FBXO7: variants seen among roughly 807,000 people sequenced by gnomAD.
FBXO7 encodes the protein F-box only protein 7.
FBXO7 carries 31 observed loss-of-function variants against 50.2 expected under a neutral mutation model. That is an observed-to-expected ratio of 0.62 (90% CI 0.46 to 0.83). The LOEUF is 0.83. FBXO7 is among the 40% of genes least tolerant of loss of function. The pLI, the probability that FBXO7 is intolerant of heterozygous loss-of-function variation, is 0.00. For missense variants in FBXO7, 667 were observed against 646.6 expected, an observed-to-expected ratio of 1.03 and a Z score of -0.34; for synonymous variants, 256 against 253.1, an observed-to-expected ratio of 1.01 and a Z score of -0.11.
intron 2 of FBXO7, 124 bp downstream of exon 2, chr22:32,479,399 T>TTA: frequency 5.7e-6 from 5 of 882,486 alleles, no homozygotes; most frequent in Non-Finnish European, 8.2e-6. Flanking sequence ...ATATATTTTT[T>TTA]TCTTTTTTTT....
In FBXO7 at chr22:32,479,005, A is replaced by T. The variant is rs1163595878; in HGVS notation, c.147A>T (p.Thr49=). The change falls in exon 2 of 9, where the codon ACA becomes ACT. Residue 49 remains threonine, a synonymous_variant. Coordinates refer to ENST00000266087, the MANE Select transcript of FBXO7 (RefSeq NM_012179.4). ...GTTCTAATACCCGATTTACAATTAC[A>T]TTGAACTACAAGGATCCCCTCACTG... ...GYSSNTRFTI[T]LNYKDPLTGD... 10 of 1,614,242 alleles carry T rather than the reference A, an allele frequency of 6.2e-6. No homozygotes were observed. The highest frequency in any genetic ancestry group is 8.5e-6 in the Non-Finnish European group (10 of 1,180,040).
chr22:32,498,380 C>T lies in FBXO7; in HGVS notation c.1419C>T (p.Ser473=), dbSNP rs1395140786. The change falls in exon 9 of 9, where the codon AGC becomes AGT. Residue 473 remains serine, a synonymous_variant. Coordinates refer to ENST00000266087, the MANE Select transcript of FBXO7 (RefSeq NM_012179.4). Reference sequence around the variant, plus strand: ...TTCCTGGTCCTGGGGAGACGCCCAGCCAGTTTCCTCCACTGAGACCACGCT... The same window carrying T: ...TTCCTGGTCCTGGGGAGACGCCCAGTCAGTTTCCTCCACTGAGACCACGCT... ...SLIPGPGETP[S]QFPPLRPRFD... is the part of the protein sequence containing the mutation. 1.2e-6 allele frequency: 2 copies of T among 1,614,190 alleles called. No homozygotes were observed. Among genetic ancestry groups the T allele is most frequent in the Middle Eastern group, 1.6e-4 (1 of 6,062 alleles).
chr22:32,497,064 C>T (rs938868046), intron 8 of FBXO7, among the ~76,000 whole-genome samples: 2 of 152,176 alleles, frequency 1.3e-5, no homozygotes, highest in Non-Finnish European at 2.9e-5. Flanking sequence ...GAAGTGGAGC[C>T]TGAAGATGGG....
At chr22:32,492,875 A>C (rs1246391555) in intron 6 of FBXO7, 7 of 572,476 alleles carry the variant, frequency 1.2e-5, no homozygotes, top group Non-Finnish European at 2.2e-5. Context: ...TTGTCTTTCC[A>C]CTAAAACATA....
intron 1 of FBXO7, chr22:32,475,408 G>A: frequency 6.2e-7 from 1 of 1,611,144 alleles, no homozygotes. Flanking sequence ...GGTGAGTCAT[G>A]GCTTCTGGTT....
At chr22:32,498,062 A>T (rs1241495829) in intron 8 of FBXO7, 82 bp from the exon 9 acceptor site, 24 of 1,456,766 alleles carry the variant, frequency 1.6e-5, no homozygotes, top group Non-Finnish European at 2.2e-5. Flanking sequence ...ATAGATCTTT[A>T]CTATGAAAGC....
At chr22:32,485,403 C>CA (rs1173804635) in intron 4 of FBXO7, among the ~76,000 whole-genome samples, 194 bp downstream of exon 4, 2 of 152,222 alleles carry the variant, frequency 1.3e-5, no homozygotes, top group South Asian at 4.1e-4. Context: ...TTGTTTAGGC[C>CA]AGCACCCTTC....
chr22:32,480,715 G>T (rs533155779), intron 2 of FBXO7, among the ~76,000 whole-genome samples: 227 of 151,236 alleles, frequency 1.5e-3, no homozygotes, highest in African/African-American at 5.3e-3. Flanking sequence ...CCTCACCCAG[G>T]CTGGAGTGCA....
intron 1 of FBXO7, chr22:32,475,372 C>T (rs763648779): frequency 1.9e-6 from 3 of 1,610,490 alleles, no homozygotes; most frequent in East Asian, 4.5e-5. Flanking sequence ...ATGGCCCGGC[C>T]TCCCGGGGGC....
At position 32,495,581 on chromosome 22, in the gene FBXO7, G is replaced by A. The variant is rs571111434; in HGVS notation, c.1182+51G>A. On this transcript the variant is annotated intron_variant, in intron 8 of 8. Coordinates refer to ENST00000266087, the MANE Select transcript of FBXO7 (RefSeq NM_012179.4). ...AATGTCCATAACACAGAAATGACTA[G>A]TGAATTAATATATTAAGGGTATATT... The A allele has an allele frequency of 4.1e-5, 42 of 1,028,082 alleles. 1 individual carries two copies. The South Asian group carries it at 6.1e-4, about 15-fold the overall frequency. The allele number at this position is 1,028,082 out of a possible 1,614,324, so 63.7% of individuals were successfully genotyped here. A position where few individuals can be genotyped will look rare whatever the true frequency, so the allele number is the denominator to read the frequency against.
At chr22:32,483,408 C>T (rs1355432205) in intron 2 of FBXO7, among the ~76,000 whole-genome samples, 2 of 152,186 alleles carry the variant, frequency 1.3e-5, no homozygotes, top group African/African-American at 4.8e-5. Flanking sequence ...TAAGCTGCGA[C>T]ATAGTACATG....
At chr22:32,492,989 C>T (rs1461794857) in intron 6 of FBXO7, 116 bp from the exon 7 acceptor site, 2 of 967,578 alleles carry the variant, frequency 2.1e-6, no homozygotes. Flanking sequence ...ATTAAGAGTA[C>T]CATCTAATTT....
chr22:32,494,067 C>T (rs1190838868), intron 7 of FBXO7, among the ~76,000 whole-genome samples: 1 of 141,068 alleles, frequency 7.1e-6, no homozygotes, highest in Non-Finnish European at 1.5e-5. Flanking sequence ...ACACATACCA[C>T]CTTAGTAACT....
intron 8 of FBXO7, 131 bp from the exon 9 acceptor site, chr22:32,498,013 G>T: frequency 9.8e-7 from 1 of 1,016,630 alleles, no homozygotes; most frequent in Non-Finnish European, 1.5e-6. Flanking sequence ...TTATTGCATT[G>T]GTTTGGGACT....
chr22:32,491,409 G>A, intron 6 of FBXO7: 1 of 467,352 alleles, frequency 2.1e-6, no homozygotes, highest in Non-Finnish European at 3.8e-6. Flanking sequence ...GACTATAATT[G>A]TTGATATGAT....
chr22:32,491,655 A>G (rs941069169), intron 6 of FBXO7: 1 of 149,956 alleles, frequency 6.7e-6, no homozygotes, highest in Non-Finnish European at 1.5e-5. Flanking sequence ...AATTGGATCT[A>G]AGTTTTTTTT....
intron 4 of FBXO7, 191 bp from the exon 5 acceptor site, chr22:32,487,554 T>G: frequency 1.8e-6 from 1 of 554,110 alleles, no homozygotes; most frequent in South Asian, 2.2e-5. Flanking sequence ...GTAGAGTGAT[T>G]TTACTTCATG....
chr22:32,483,862 T>C (rs1169999863), intron 2 of FBXO7, 35 bp from the exon 3 acceptor site: 1 of 1,585,486 alleles, frequency 6.3e-7, no homozygotes, highest in Non-Finnish European at 8.7e-7. Flanking sequence ...AAAATAAGTC[T>C]TTAATTAATT....
At chr22:32,481,033 A>G (rs1014785982) in intron 2 of FBXO7, among the ~76,000 whole-genome samples, 2 of 152,128 alleles carry the variant, frequency 1.3e-5, no homozygotes, top group Non-Finnish European at 2.9e-5. Context: ...ACCAATACAC[A>G]TGCCTTCTTG....
Sources: gnomAD v4.1 joint callset for allele counts (sites outside exome capture counted in the v4.1 genomes callset) on GRCh38, gnomAD v4.1.1 for gene constraint, MANE v1.5 for transcripts, NCBI Gene and HGNC (gene_info 2026-07-23, HGNC 2026-07-21) for gene names.